The following PARP8 variants were observed in gnomAD, a reference collection of about 807,000 sequenced individuals.
The protein encoded by PARP8 is poly(ADP-ribose) polymerase family member 8.
A neutral mutation model predicts 124.1 loss-of-function variants in PARP8; 51 were observed. The ratio of observed to expected loss-of-function variants is 0.41; its 90% CI spans 0.33 to 0.52. PARP8 has a LOEUF of 0.52. Ranked by LOEUF, PARP8 falls within the 20% of genes least tolerant of loss-of-function variation. PARP8 has a pLI of 0.21. For missense variants in PARP8, 860 were observed against 1,018.9 expected, an observed-to-expected ratio of 0.84 and a Z score of 2.12; for synonymous variants, 391 against 361.5, an observed-to-expected ratio of 1.08 and a Z score of -0.93.
At chr5:50,667,964 G>T (rs1410868100) in intron 1 of PARP8, 107 bp from the exon 2 acceptor site, 5 of 1,597,358 alleles carry the variant, frequency 3.1e-6, no homozygotes, top group Admixed American at 3.4e-5. Flanking sequence ...CTTGCCTTCT[G>T]CCCGGCCAGG....
chr5:50,791,422 C>T lies in PARP8; in HGVS notation c.738-2785C>T, dbSNP rs1580354008. ...AAGTGATAGAGTCAGAATTTGACTCCAAATCAGTACTTACAACGCATAAAC... is the reference window on the plus strand; with the variant it reads ...AAGTGATAGAGTCAGAATTTGACTCTAAATCAGTACTTACAACGCATAAAC... On this transcript the variant is annotated intron_variant, in intron 10 of 25. Transcript: ENST00000281631. 2.6e-5 allele frequency among the ~76,000 whole-genome samples: 4 copies of T among 152,118 alleles called. No homozygotes were observed. In the East Asian group the frequency reaches 7.7e-4, roughly 29 times the overall value.
At chr5:50,757,464 G>A (rs1442048614) in intron 3 of PARP8, among the ~76,000 whole-genome samples, 3 of 151,952 alleles carry the variant, frequency 2.0e-5, no homozygotes, top group Non-Finnish European at 4.4e-5. Flanking sequence ...GATCTGATCT[G>A]GCCTATTATG....
chr5:50,766,987 T>C (rs942768129), intron 7 of PARP8, among the ~76,000 whole-genome samples: 30 of 152,344 alleles, frequency 2.0e-4, no homozygotes, highest in African/African-American at 7.2e-4. Context: ...CTGGTTCTCC[T>C]GTTCTGGTCT....
chr5:50,839,777 T>A (rs183521198), intron 25 of PARP8, among the ~76,000 whole-genome samples: 41 of 151,950 alleles, frequency 2.7e-4, no homozygotes, highest in African/African-American at 9.4e-4. Context: ...TTACAGTTTA[T>A]GCAAAGAATT....
intron 18 of PARP8, 59 bp downstream of exon 18, chr5:50,825,034 A>G (rs1317597027): frequency 6.4e-6 from 9 of 1,411,380 alleles, no homozygotes; most frequent in Admixed American, 1.8e-5. Flanking sequence ...TGCTTGATTT[A>G]AGGAAAAAAA....
At chr5:50,813,921 C>T (rs1189717366) in intron 14 of PARP8, among the ~76,000 whole-genome samples, 1 of 152,064 alleles carries the variant, frequency 6.6e-6, no homozygotes, top group Non-Finnish European at 1.5e-5. Context: ...AGTCATAACT[C>T]ATGTCAGTAA....
At chr5:50,739,394 G>T (rs1383300218) in intron 2 of PARP8, among the ~76,000 whole-genome samples, 1 of 151,760 alleles carries the variant, frequency 6.6e-6, no homozygotes, top group Non-Finnish European at 1.5e-5. Context: ...TTTTGTGGGG[G>T]GATGGGGGTG....
chr5:50,753,537 GT>G (rs1244901397), intron 3 of PARP8, among the ~76,000 whole-genome samples: 1 of 151,972 alleles, frequency 6.6e-6, no homozygotes. Flanking sequence ...AAAGGACATG[GT>G]ATAGTGACAA....
chr5:50,725,066 T>A (rs71615980), intron 2 of PARP8, among the ~76,000 whole-genome samples: 1 of 55,576 alleles, frequency 1.8e-5, no homozygotes, highest in Non-Finnish European at 3.5e-5. Context: ...TATTCCATTG[T>A]GTGTGTATGT....
At chr5:50,708,266 C>T (rs1372117444) in intron 2 of PARP8, among the ~76,000 whole-genome samples, 1 of 152,024 alleles carries the variant, frequency 6.6e-6, no homozygotes, top group African/African-American at 2.4e-5. Context: ...TTTCTTGAGT[C>T]TGAACCATAT....
chr5:50,711,241 A>G (rs991139627), intron 2 of PARP8, among the ~76,000 whole-genome samples: 3 of 152,170 alleles, frequency 2.0e-5, no homozygotes, highest in Non-Finnish European at 4.4e-5. Flanking sequence ...TCTATCAGCC[A>G]TTCATTACTA....
At chr5:50,825,860 ATTAC>A (rs1746289655) in intron 18 of PARP8, among the ~76,000 whole-genome samples, 1 of 152,162 alleles carries the variant, frequency 6.6e-6, no homozygotes, top group African/African-American at 2.4e-5. Flanking sequence ...CAAGATTCTG[ATTAC>A]TTAACTTTCA....
chr5:50,809,521 G>A (rs996344782), intron 14 of PARP8, among the ~76,000 whole-genome samples: 1 of 151,994 alleles, frequency 6.6e-6, no homozygotes, highest in Non-Finnish European at 1.5e-5. Flanking sequence ...AGGCAGTAGA[G>A]CTAGCTTCTC....
chr5:50,739,218 C>A, intron 2 of PARP8: 1 of 592,618 alleles, frequency 1.7e-6, no homozygotes, highest in Non-Finnish European at 3.1e-6. Flanking sequence ...ATCCTGATGG[C>A]TTATCCAGTC....
At chr5:50,800,080 A>G (rs32376) in intron 14 of PARP8, among the ~76,000 whole-genome samples, 52,726 of 152,072 alleles carry the variant, frequency 0.35, 10,204 homozygotes, top group African/African-American at 0.52. Flanking sequence ...ACACCAGATC[A>G]TTTTATTTAT....
At chr5:50,817,462 A>T (rs966713650) in intron 15 of PARP8, among the ~76,000 whole-genome samples, 10 of 152,212 alleles carry the variant, frequency 6.6e-5, no homozygotes, top group African/African-American at 2.4e-4. Context: ...CCACCTCAGG[A>T]TCTCATTGCC....
chr5:50,795,517 TG>T (rs1742443148), intron 12 of PARP8, 100 bp downstream of exon 12: 4 of 964,134 alleles, frequency 4.1e-6, no homozygotes, highest in Non-Finnish European at 5.9e-6. Context: ...AGCAAAACTT[TG>T]TTTTAATTTA....
At chr5:50,817,327 T>G (rs1196555970) in intron 15 of PARP8, among the ~76,000 whole-genome samples, 1 of 152,202 alleles carries the variant, frequency 6.6e-6, no homozygotes, top group Non-Finnish European at 1.5e-5. Context: ...GATCAGAAAG[T>G]TTAGTAATTC....
chr5:50,773,447 G>A (rs1761829609), intron 7 of PARP8, among the ~76,000 whole-genome samples: 1 of 152,186 alleles, frequency 6.6e-6, no homozygotes, highest in Admixed American at 6.5e-5. Flanking sequence ...CTCAAGGTGT[G>A]TTCTTGGAGC....
Sources: allele counts gnomAD v4.1 joint callset (sites outside exome capture counted in the v4.1 genomes callset), GRCh38; gene constraint gnomAD v4.1.1; transcripts MANE v1.5; gene names NCBI Gene and HGNC (gene_info 2026-07-23, HGNC 2026-07-21).